The following ADAM22 variants were observed in gnomAD, a reference collection of about 807,000 sequenced individuals.
ADAM22 encodes disintegrin and metalloproteinase domain-containing protein 22.
Under a neutral mutation model 144.6 loss-of-function variants are expected in ADAM22, and 65 were observed. The observed-to-expected ratio is 0.45, with a 90% CI of 0.37 to 0.55. The LOEUF is 0.55. Ranked by LOEUF, ADAM22 falls within the 20% of genes least tolerant of loss-of-function variation. The pLI is 0.00. For synonymous variants in ADAM22, 391 were observed against 412.6 expected, an observed-to-expected ratio of 0.95 and a Z score of 0.63; for missense variants, 974 against 1,184.9, an observed-to-expected ratio of 0.82 and a Z score of 2.61.
At chr7:88,186,471 A>G (rs749525573) in intron 29 of ADAM22, 144 bp from the exon 30 acceptor site, 82 of 710,106 alleles carry the variant, frequency 1.2e-4, no homozygotes, top group Non-Finnish European at 1.9e-4. Flanking sequence ...AGACTGCCTC[A>G]TAATCACCCA....
chr7:87,996,578 A>G (rs1006309861), intron 3 of ADAM22, among the ~76,000 whole-genome samples: 1 of 152,226 alleles, frequency 6.6e-6, no homozygotes, highest in East Asian at 1.9e-4. Flanking sequence ...ACAAGCATTC[A>G]GTTCATAACA....
intron 3 of ADAM22, among the ~76,000 whole-genome samples, chr7:88,047,301 T>C (rs780822661): frequency 3.3e-5 from 5 of 152,238 alleles, no homozygotes; most frequent in Non-Finnish European, 7.3e-5. Flanking sequence ...TTGTTATTCT[T>C]TTCATTTGAA....
At chr7:88,102,580 A>T (rs1337079672) in intron 4 of ADAM22, among the ~76,000 whole-genome samples, 3 of 151,176 alleles carry the variant, frequency 2.0e-5, no homozygotes, top group Non-Finnish European at 4.4e-5. Context: ...AAGGTTGAGA[A>T]CCTCCCCTCT....
intron 27 of ADAM22, among the ~76,000 whole-genome samples, chr7:88,180,761 G>A (rs1292206960): frequency 3.3e-5 from 5 of 152,098 alleles, no homozygotes; most frequent in East Asian, 3.9e-4. Context: ...TTTCTCTGAA[G>A]TATATGTAGC....
chr7:88,059,320 G>A (rs182281176), intron 3 of ADAM22, among the ~76,000 whole-genome samples: 150 of 152,264 alleles, frequency 9.9e-4, no homozygotes, highest in African/African-American at 3.4e-3. Context: ...AGCCAAGGAC[G>A]ATCAGCTGTT....
intron 4 of ADAM22, among the ~76,000 whole-genome samples, chr7:88,083,756 A>C (rs1057016490): frequency 1.3e-5 from 2 of 152,088 alleles, no homozygotes; most frequent in African/African-American, 2.4e-5. Flanking sequence ...TAAGCGACCT[A>C]GATGTAATAA....
chr7:88,140,454 A>G (rs1477211587), intron 14 of ADAM22, among the ~76,000 whole-genome samples: 4 of 152,168 alleles, frequency 2.6e-5, no homozygotes, highest in African/African-American at 4.8e-5. Context: ...TGCAGCCACA[A>G]TGTGTGTAAG....
chr7:88,136,623 T>G (rs779837401), intron 14 of ADAM22, among the ~76,000 whole-genome samples: 1 of 152,102 alleles, frequency 6.6e-6, no homozygotes, highest in Non-Finnish European at 1.5e-5. Context: ...GTTATTCCTT[T>G]TATTCCAAGC....
At chr7:88,048,239 G>A (rs1260644325) in intron 3 of ADAM22, among the ~76,000 whole-genome samples, 1 of 152,050 alleles carries the variant, frequency 6.6e-6, no homozygotes, top group Non-Finnish European at 1.5e-5. Flanking sequence ...GTGTATGATT[G>A]TTTTGTAATT....
At chr7:88,130,302 C>A in intron 9 of ADAM22, 86 bp from the exon 10 acceptor site, 4 of 961,962 alleles carry the variant, frequency 4.2e-6, no homozygotes, top group Non-Finnish European at 4.6e-6. Context: ...TTTTAGGGAT[C>A]TTTCAATTGC....
rs1847783511 is a variant in ADAM22 at position 87,960,400 on chromosome 7, G to GTC, written c.247-17935_247-17934insCT. On this transcript the variant is annotated intron_variant, in intron 2 of 31. Transcript: ENST00000413139. ...GGTGTGTGTGTGTGTGTGTGTGTCT[G>GTC]TGTGTGTGTGTGTAGAGTATTCTGC... 2.0e-5 allele frequency among the ~76,000 whole-genome samples: 3 copies of GTC among 150,368 alleles called. No individual in the cohort carries two copies. The South Asian group carries it at 6.3e-4, about 31-fold the overall frequency.
chr7:88,043,140 G>C (rs992429155), intron 3 of ADAM22, among the ~76,000 whole-genome samples: 1 of 151,930 alleles, frequency 6.6e-6, no homozygotes, highest in Non-Finnish European at 1.5e-5. Context: ...TCTCAGGGAA[G>C]TGACTGTTGG....
At chr7:88,030,998 C>A (rs1203328709) in intron 3 of ADAM22, among the ~76,000 whole-genome samples, 1 of 152,084 alleles carries the variant, frequency 6.6e-6, no homozygotes, top group African/African-American at 2.4e-5. Context: ...CACCTGTAGT[C>A]CCAGCTACTC....
intron 3 of ADAM22, among the ~76,000 whole-genome samples, chr7:88,045,731 T>G (rs1242617183): frequency 6.6e-6 from 1 of 152,128 alleles, no homozygotes; most frequent in Non-Finnish European, 1.5e-5. Context: ...TACTTTCTCT[T>G]TCGTGAGTTC....
At chr7:87,991,869 G>C (rs957314413) in intron 3 of ADAM22, among the ~76,000 whole-genome samples, 2 of 152,150 alleles carry the variant, frequency 1.3e-5, no homozygotes, top group Non-Finnish European at 2.9e-5. Context: ...AGAAACATTA[G>C]AATTCTAAAG....
intron 3 of ADAM22, among the ~76,000 whole-genome samples, 161 bp downstream of exon 3, chr7:87,978,573 A>C (rs1051602354): frequency 1.3e-5 from 2 of 152,240 alleles, no homozygotes; most frequent in Non-Finnish European, 2.9e-5. Context: ...AAAGTCTGGC[A>C]GATAACAAGA....
chr7:88,000,526 G>T (rs1324581543), intron 3 of ADAM22, among the ~76,000 whole-genome samples: 1 of 152,014 alleles, frequency 6.6e-6, no homozygotes, highest in African/African-American at 2.4e-5. Context: ...ATGAAGTAAA[G>T]ACTAGTTATT....
At chr7:88,020,821 C>T (rs1797668703) in intron 3 of ADAM22, among the ~76,000 whole-genome samples, 1 of 152,084 alleles carries the variant, frequency 6.6e-6, no homozygotes, top group Non-Finnish European at 1.5e-5. Context: ...AGACCATTTA[C>T]AAAAGCATGG....
chr7:88,107,198 C>CTTTTTTTTTTTTTT (rs561936408), intron 4 of ADAM22, among the ~76,000 whole-genome samples: 1 of 76,582 alleles, frequency 1.3e-5, no homozygotes, highest in African/African-American at 5.3e-5. Flanking sequence ...GATTGAATTT[C>CTTTTTTTTTTTTTT]TTTTTTTTTT....
Sources: gnomAD v4.1 joint callset for allele counts (sites outside exome capture counted in the v4.1 genomes callset) on GRCh38, gnomAD v4.1.1 for gene constraint, MANE v1.5 for transcripts, NCBI Gene and HGNC (gene_info 2026-07-23, HGNC 2026-07-21) for gene names.